The following SCAF4 variants were observed in gnomAD, a reference collection of about 807,000 sequenced individuals.
The protein encoded by SCAF4 is SR-related and CTD-associated factor 4.
In SCAF4, 25 loss-of-function variants were observed where a neutral mutation model predicts 129.8. The ratio of observed to expected loss-of-function variants is 0.19; its 90% CI spans 0.14 to 0.27. SCAF4 has a LOEUF of 0.27. Among genes scored for constraint, SCAF4 ranks in the 10% least tolerant of loss-of-function variants. SCAF4 has a pLI of 1.00. For missense variants in SCAF4, 1,246 were observed against 1,457.1 expected (o/e 0.86, Z 2.36); for synonymous variants, 551 against 497.7 (o/e 1.11, Z -1.43).
intron 1 of SCAF4, among the ~76,000 whole-genome samples, chr21:31,717,842 T>TATATATATATACACACAC (rs547466352): frequency 1.7e-5 from 2 of 114,380 alleles, no homozygotes; most frequent in African/African-American, 6.8e-5. Flanking sequence ...TATATATATA[T>TATATATATATACACACAC]ACACACACAC....
chr21:31,706,398 T>C (rs1178002932), intron 1 of SCAF4, 41 bp from the exon 2 acceptor site: 1 of 1,360,032 alleles, frequency 7.4e-7, no homozygotes, highest in Admixed American at 1.9e-5. Flanking sequence ...AGTTTAACTA[T>C]TTGGCTAGTA....
Position 31,688,339 on chromosome 21 carries a change from C to T in SCAF4, c.2011G>A (p.Val671Ile), listed in dbSNP as rs751961962. 6 of 1,613,432 alleles carry T rather than the reference C, an allele frequency of 3.7e-6. No individual in the cohort carries two copies. Among genetic ancestry groups the T allele is most frequent in the Non-Finnish European group, 5.1e-6 (6 of 1,179,740 alleles). Residue 671 changes from valine to isoleucine, a missense_variant, in exon 16 of 20, where the codon GTT becomes ATT. This residue lies in a region of SCAF4 where 468 missense variants were observed against 605.5 expected (regional missense o/e 0.77). Transcript: ENST00000286835. ...GGTGGCACTGTTATAGGTGCAGGAA[C>T]AGGAATAGGAGGGACAGGCACAGGT... is the stretch of plus-strand genomic sequence containing the variant. ...PLPVPVPPIP[V>I]PAPITVPPPQ...
intron 1 of SCAF4, among the ~76,000 whole-genome samples, chr21:31,731,258 A>C (rs1313333973): frequency 6.6e-6 from 1 of 151,640 alleles, no homozygotes; most frequent in Non-Finnish European, 1.5e-5. Context: ...CCCCAACCCC[A>C]CACGCCCGCC....
At chr21:31,683,122 G>C (rs563416647) in intron 19 of SCAF4, among the ~76,000 whole-genome samples, 2 of 152,194 alleles carry the variant, frequency 1.3e-5, no homozygotes, top group Admixed American at 6.5e-5. Context: ...TTAAAATTCT[G>C]TTTTAGAACG....
At chr21:31,704,725 T>C (rs976282902) in intron 3 of SCAF4, among the ~76,000 whole-genome samples, 1 of 152,182 alleles carries the variant, frequency 6.6e-6, no homozygotes, top group African/African-American at 2.4e-5. Context: ...TATTAATAAA[T>C]ATTGCAGTTA....
intron 3 of SCAF4, among the ~76,000 whole-genome samples, chr21:31,704,776 T>G (rs1209820726): frequency 6.6e-6 from 1 of 152,218 alleles, no homozygotes; most frequent in Non-Finnish European, 1.5e-5. Context: ...TCCATTTTAT[T>G]TATTTGTACT....
rs200239769 is a variant in SCAF4 at position 31,696,703 on chromosome 21, T to C, written c.825A>G (p.Glu275=). The change falls in exon 8 of 20, where the codon GAA becomes GAG. Residue 275 remains glutamate, a synonymous_variant. Transcript: ENST00000286835. ...FDYDDEPEAV[E]ESKKEDTTAV... ...CAGTGGTATCCTCTTTCTTTGATTCTTCCACAGCTTCTGGCTCATCATCAT... is the reference window on the plus strand; with the variant it reads ...CAGTGGTATCCTCTTTCTTTGATTCCTCCACAGCTTCTGGCTCATCATCAT... 96 of 1,613,808 alleles carry C rather than the reference T, an allele frequency of 5.9e-5. No individual in the cohort carries two copies. The highest frequency in any genetic ancestry group is 7.5e-5 in the Non-Finnish European group (89 of 1,179,828).
At chr21:31,707,089 A>T (rs759621634) in intron 1 of SCAF4, among the ~76,000 whole-genome samples, 5 of 152,084 alleles carry the variant, frequency 3.3e-5, no homozygotes, top group Non-Finnish European at 5.9e-5. Context: ...ACCAGAACAG[A>T]GTGTGGGATG....
In SCAF4 at chr21:31,731,811, A is replaced by G. The variant is rs2051369249; in HGVS notation, c.-119T>C. The stretch of plus-strand genomic sequence containing the variant: ...GCCGGGGGGAGGCGACGAGCGGCGG[A>G]GTCCGAGGCCCGGGCAGGAAGAGGC... On this transcript the variant is annotated 5_prime_UTR_variant, in exon 1 of 20. Coordinates refer to ENST00000286835, the MANE Select transcript of SCAF4 (RefSeq NM_020706.2). 2.5e-6 allele frequency: 3 copies of G among 1,195,604 alleles called. No homozygotes were observed. The highest frequency in any genetic ancestry group is 7.6e-5 in the Admixed American group (2 of 26,484). 74.1% of individuals were successfully genotyped at this position (1,195,604 alleles called of 1,614,324 possible).
rs531529702 is a variant in SCAF4 at position 31,678,264 on chromosome 21, A to T, written c.2489-5910T>A. Among the ~76,000 whole-genome samples the T allele has an allele frequency of 9.7e-4, 148 of 152,300 alleles. No homozygotes were observed. The South Asian group carries it at 0.019, about 20-fold the overall frequency. On this transcript the variant is annotated intron_variant, in intron 19 of 19. Coordinates refer to ENST00000286835, the MANE Select transcript of SCAF4 (RefSeq NM_020706.2). ...CAGATTTGCGCATCACAGGAATGGC[A>T]ATTACATCTACCAGTTGCTCACATA...
chr21:31,693,702 G>A (rs1421721415), intron 11 of SCAF4, among the ~76,000 whole-genome samples: 1 of 152,070 alleles, frequency 6.6e-6, no homozygotes, highest in Non-Finnish European at 1.5e-5. Context: ...GCTTATATAA[G>A]TATCTGTCAT....
At chr21:31,727,076 G>C (rs1313307934) in intron 1 of SCAF4, among the ~76,000 whole-genome samples, 1 of 151,594 alleles carries the variant, frequency 6.6e-6, no homozygotes, top group East Asian at 1.9e-4. Context: ...CACTATTTTT[G>C]TACTTTTTTT....
Position 31,684,957 on chromosome 21 carries a change from T to C in SCAF4, c.2488+92A>G, listed in dbSNP as rs747129712. The C allele has an allele frequency of 4.6e-5, 29 of 627,276 alleles. No homozygotes were observed. The East Asian group carries it at 4.9e-4, about 11-fold the overall frequency. The allele number at this position is 627,276 out of a possible 1,614,324, so 38.9% of individuals were successfully genotyped here. On this transcript the variant is annotated intron_variant, in intron 19 of 19. Coordinates refer to ENST00000286835, the MANE Select transcript of SCAF4 (RefSeq NM_020706.2). ...GGAAATAATTTTACCAAAATTAACA[T>C]TGTTTTTTTAAAAAAATCTAACTTG... is the stretch of plus-strand genomic sequence containing the variant.
At position 31,688,479 on chromosome 21, in the gene SCAF4, G is replaced by T; in HGVS notation, c.1886-15C>A. On this transcript the variant is annotated splice_polypyrimidine_tract_variant and intron_variant, in intron 15 of 19. Transcript: ENST00000286835. ...TCCTTTCCAATCTGTGAGCGTGAAA[G>T]AAATTTAACAAGAGTTTACCATTTT... 6.2e-7 allele frequency: 1 copy of T among 1,604,752 alleles called. No homozygotes were observed.
chr21:31,682,621 T>G (rs1436373288), intron 19 of SCAF4, among the ~76,000 whole-genome samples: 3 of 152,218 alleles, frequency 2.0e-5, no homozygotes, highest in South Asian at 2.1e-4. Flanking sequence ...ACCATTGTGT[T>G]TGTCATTTTT....
At chr21:31,710,591 G>A (rs1041892579) in intron 1 of SCAF4, among the ~76,000 whole-genome samples, 2 of 151,938 alleles carry the variant, frequency 1.3e-5, no homozygotes, top group Non-Finnish European at 2.9e-5. Context: ...CAAAACAGAA[G>A]AACAACATAC....
chr21:31,677,975 CT>C (rs2049901234), intron 19 of SCAF4, among the ~76,000 whole-genome samples: 1 of 152,148 alleles, frequency 6.6e-6, no homozygotes, highest in African/African-American at 2.4e-5. Context: ...CTATGTCTAC[CT>C]TAGTCTCACA....
At chr21:31,690,625 C>CT (rs1413254738) in intron 15 of SCAF4, among the ~76,000 whole-genome samples, 172 bp downstream of exon 15, 2 of 152,326 alleles carry the variant, frequency 1.3e-5, no homozygotes, top group South Asian at 4.1e-4. Flanking sequence ...GTTTGCATCT[C>CT]TTTTGTCTCA....
intron 12 of SCAF4, 35 bp from the exon 13 acceptor site, chr21:31,692,484 A>C: frequency 1.4e-6 from 2 of 1,424,714 alleles, no homozygotes; most frequent in Non-Finnish European, 2.0e-6. Flanking sequence ...AGAGATTCAC[A>C]TTTGATAATG....
Sources: allele counts gnomAD v4.1 joint callset (sites outside exome capture counted in the v4.1 genomes callset), GRCh38; gene constraint gnomAD v4.1.1; regional missense constraint gnomAD v4.1.1; transcripts MANE v1.5; gene names NCBI Gene and HGNC (gene_info 2026-07-23, HGNC 2026-07-21).